ABCA9: variants seen among roughly 807,000 people sequenced by gnomAD.
ABCA9 encodes ATP-binding cassette sub-family A member 9.
A neutral mutation model predicts 205.3 loss-of-function variants in ABCA9; 183 were observed. That is an observed-to-expected ratio of 0.89 (90% confidence interval 0.79 to 1.01). ABCA9 has a LOEUF of 1.01. ABCA9 is among the 50% of genes least tolerant of loss of function. ABCA9 has a pLI of 0.00. For missense variants in ABCA9, 1,805 were observed against 1,912.4 expected (o/e 0.94, Z 1.05); for synonymous variants, 651 against 683.3 (o/e 0.95, Z 0.74).
Position 69,051,096 on chromosome 17 carries a change from G to T in ABCA9, c.31C>A (p.Gln11Lys), listed in dbSNP as rs1486144541. The change falls in exon 2 of 39, where the codon CAA becomes AAA. Residue 11 changes from glutamine to lysine, a missense_variant. By Grantham distance (53) the Gln-to-Lys change is moderately conservative. Transcript: ENST00000340001. ...TTCTTGCAGAGAAGAGCCCATGTTTGCTGACCCACGCTCATGCGTCTCTTG... is the reference window on the plus strand; with the variant it reads ...TTCTTGCAGAGAAGAGCCCATGTTTTCTGACCCACGCTCATGCGTCTCTTG... MSKRRMSVGQQTWALLCKNCL... is the reference protein window; with the variant it reads MSKRRMSVGQKTWALLCKNCL... 1 of 1,613,498 alleles carries T rather than the reference G, an allele frequency of 6.2e-7. No homozygotes were observed. The highest frequency in any genetic ancestry group is 1.3e-5 in the African/African-American group (1 of 74,876).
intron 25 of ABCA9, among the ~76,000 whole-genome samples, chr17:69,000,068 T>C (rs1306603102): frequency 1.3e-5 from 2 of 151,382 alleles, no homozygotes; most frequent in African/African-American, 4.8e-5. Flanking sequence ...TTCTCCCATG[T>C]TGTAGGTTGC....
At position 69,026,440 on chromosome 17, in the gene ABCA9, T is replaced by C. The variant is rs765061345; in HGVS notation, c.2078A>G (p.Lys693Arg). Residue 693 changes from lysine to arginine, a missense_variant, in exon 16 of 39, where the codon AAG becomes AGG. By Grantham distance (26) the Lys-to-Arg change is conservative (BLOSUM62 2). Transcript: ENST00000340001. Reference sequence around the variant, plus strand: ...CAGAGAAGAGCCTGCACACTTCAGCTTCCCATTGGATATGAACACCTTCCT... The same window carrying C: ...CAGAGAAGAGCCTGCACACTTCAGCCTCCCATTGGATATGAACACCTTCCT... ...ADRKVFISNG[K>R]LKCAGSSLFL... The C allele has an allele frequency of 5.6e-6, 9 of 1,613,842 alleles. No individual in the cohort carries two copies. Among genetic ancestry groups the C allele is most frequent in the South Asian group, 2.2e-5 (2 of 91,078 alleles).
At chr17:69,045,707 G>C (rs1243844308) in intron 3 of ABCA9, among the ~76,000 whole-genome samples, 4 of 152,086 alleles carry the variant, frequency 2.6e-5, no homozygotes, top group South Asian at 2.1e-4. Context: ...ATAGCAGAAG[G>C]TACCTCTTTC....
chr17:68,983,212 TTATC>T (rs575655934), intron 36 of ABCA9, among the ~76,000 whole-genome samples: 43 of 152,280 alleles, frequency 2.8e-4, no homozygotes, highest in African/African-American at 1.0e-3. Context: ...GCAGAACTTC[TTATC>T]CTTCTTCTTA....
At chr17:69,005,687 T>C (rs981513988) in intron 25 of ABCA9, among the ~76,000 whole-genome samples, 4 of 152,254 alleles carry the variant, frequency 2.6e-5, no homozygotes, top group African/African-American at 9.6e-5. Context: ...AGAGGTTCTC[T>C]GTCTACATAC....
At chr17:69,002,814 AT>A (rs2069936511) in intron 25 of ABCA9, among the ~76,000 whole-genome samples, 2 of 142,314 alleles carry the variant, frequency 1.4e-5, no homozygotes, top group African/African-American at 5.4e-5. Flanking sequence ...TATTGGGTGC[AT>A]ATATATTTAG....
At chr17:68,998,741 A>G (rs1411749316) in intron 25 of ABCA9, among the ~76,000 whole-genome samples, 1 of 151,848 alleles carries the variant, frequency 6.6e-6, no homozygotes, top group African/African-American at 2.4e-5. Flanking sequence ...CTTTATTTAT[A>G]TATGTAATTA....
chr17:69,049,331 T>C lies in ABCA9; in HGVS notation c.256A>G (p.Thr86Ala). 1 of 1,613,308 alleles carries C rather than the reference T, an allele frequency of 6.2e-7. No homozygotes were observed. The highest frequency in any genetic ancestry group is 8.5e-7 in the Non-Finnish European group (1 of 1,179,552). The change falls in exon 3 of 39, where the codon ACT becomes GCT. Residue 86 changes from threonine to alanine, a missense_variant. By Grantham distance (58) the Thr-to-Ala change is moderately conservative. Transcript: ENST00000340001. Reference protein sequence around the residue: ...YVIAFAPESKTTQEIMNKVAS... With the variant: ...YVIAFAPESKATQEIMNKVAS... ...ACTTTGTTCATTATCTCTTGGGTAG[T>C]TTTGGATTCAGGTGCAAATGCAATA...
rs752910942 is a variant in ABCA9 at position 69,043,708 on chromosome 17, G to A, written c.581C>T (p.Thr194Ile). The change falls in exon 6 of 39, where the codon ACA (threonine) becomes ATA (isoleucine). Residue 194 changes from threonine (T) to isoleucine (I), a missense_variant. By Grantham distance (89) the Thr-to-Ile change is moderately conservative. Transcript: ENST00000340001. ...AINAAIIEIA[T>I]NHSVMEQLMS... The stretch of plus-strand genomic sequence containing the variant: ...CAGCTGTTCCATCACTGAATGATTT[G>A]TTGCGATCTGAAGAAAGATATCAAT... 1 of 1,592,076 alleles carries A rather than the reference G, an allele frequency of 6.3e-7. No individual in the cohort carries two copies. The highest frequency in any genetic ancestry group is 2.2e-5 in the East Asian group (1 of 44,684).
Position 69,035,685 on chromosome 17 carries a change from A to C in ABCA9, c.917T>G (p.Leu306Arg). ...VLTGFVMVFT[L>R]FLLYGLSLIT... ...CAAAGACAGGCCATAGAGGAGAAAG[A>C]GGGTGAAGACCATCACAAAACCAGT... Residue 306 changes from leucine to arginine, a missense_variant, in exon 7 of 39, where the codon CTC becomes CGC. Coordinates refer to ENST00000340001, the MANE Select transcript of ABCA9 (RefSeq NM_080283.4). 6.2e-7 allele frequency: 1 copy of C among 1,612,112 alleles called. No individual in the cohort carries two copies. Among genetic ancestry groups the C allele is most frequent in the Non-Finnish European group, 8.5e-7 (1 of 1,178,384 alleles).
Position 68,987,748 on chromosome 17 carries a change from TTGTTTGTTTGTTTGTTTGTTTTTTTG to T in ABCA9, c.4047+1253_4047+1278del, listed in dbSNP as rs1229297296. ...TGACCTCATTTGCGTTTTTTTTTGT[TTGTTTGTTTGTTTGTTTGTTTTTTTG>T]TTTGAGATGGAGTTTCTCTATTGTT... is the stretch of plus-strand genomic sequence containing the variant. On this transcript the variant is annotated intron_variant, in intron 31 of 38. Transcript: ENST00000340001. Among the ~76,000 whole-genome samples, 369 of 88,026 alleles carry T rather than the reference TTGTTTGTTTGTTTGTTTGTTTTTTTG, an allele frequency of 4.2e-3. 5 individuals carry two copies. Among genetic ancestry groups the T allele is most frequent in the African/African-American group, 0.011 (358 of 32,562 alleles). The allele number at this position is 88,026 out of a possible 152,430, so 57.7% of individuals were successfully genotyped here. A position where few individuals can be genotyped will look rare whatever the true frequency, so the allele number is the denominator to read the frequency against.
chr17:69,065,197 TTG>T (rs1440926920), upstream of ABCA9, among the ~76,000 whole-genome samples: 3 of 152,228 alleles, frequency 2.0e-5, no homozygotes, highest in Admixed American at 6.5e-5. Context: ...ATCAAAGAAC[TTG>T]TGTCTCCTTT....
chr17:69,048,871 T>C (rs1475390023), intron 3 of ABCA9, among the ~76,000 whole-genome samples: 1 of 152,156 alleles, frequency 6.6e-6, no homozygotes, highest in Non-Finnish European at 1.5e-5. Context: ...CCCACCCACA[T>C]ATATACTTTG....
Position 69,032,269 on chromosome 17 carries a change from A to C in ABCA9, c.1284T>G (p.Tyr428Ter). ...AAAACAAGGGAGAACATCGATGTCC[A>C]TATTCAGCTATGTGAGCAGGAGGCA... is the stretch of plus-strand genomic sequence containing the variant. ...LYFDKILPAE[Y>*]GHRCSPLFFL... Residue 428 changes from tyrosine to a stop codon, truncating the protein, a stop_gained, in exon 10 of 39, where the codon TAT becomes TAG. Transcript: ENST00000340001. LOFTEE classifies it high-confidence loss of function. The C allele has an allele frequency of 6.2e-7, 1 of 1,613,082 alleles. No individual in the cohort carries two copies. Among genetic ancestry groups the C allele is most frequent in the Non-Finnish European group, 8.5e-7 (1 of 1,179,462 alleles).
chr17:69,068,813 AATG>A, the ABCA9 span, among the ~76,000 whole-genome samples: 1 of 152,194 alleles, frequency 6.6e-6, no homozygotes, highest in African/African-American at 2.4e-5. Flanking sequence ...TGTGCAAACT[AATG>A]ATGATAATGA....
At chr17:68,984,829 C>G (rs2069174388) in intron 34 of ABCA9, 56 bp downstream of exon 34, 5 of 1,601,930 alleles carry the variant, frequency 3.1e-6, no homozygotes, top group African/African-American at 1.3e-5. Flanking sequence ...ATTTTGCAGG[C>G]CAGTTTTCAC....
intron 1 of ABCA9, among the ~76,000 whole-genome samples, chr17:69,059,706 A>G (rs2072175937): frequency 6.7e-6 from 1 of 150,280 alleles, no homozygotes; most frequent in African/African-American, 2.5e-5. Flanking sequence ...GAAAGTTAAC[A>G]TGGGGGCAGG....
chr17:69,013,242 TG>T (rs1555631741), intron 22 of ABCA9, among the ~76,000 whole-genome samples: 1 of 152,146 alleles, frequency 6.6e-6, no homozygotes, highest in Non-Finnish European at 1.5e-5. Context: ...AAGGTGAGAT[TG>T]ATGGATTGTA....
At position 69,043,316 on chromosome 17, in the gene ABCA9, G is replaced by A. The variant is rs142988834; in HGVS notation, c.800+173C>T. On this transcript the variant is annotated intron_variant, in intron 6 of 38. Transcript: ENST00000340001. ...GGGAGTGGCTGTAAATATACATGAA[G>A]CTTTGCTCACTTGCCTGCCACTCAC... 1,581 of 554,668 alleles carry A rather than the reference G, an allele frequency of 2.9e-3. 19 individuals carry two copies. The highest frequency in any genetic ancestry group is 0.026 in the African/African-American group (1,367 of 52,882). The allele number at this position is 554,668 out of a possible 1,614,324, so 34.4% of individuals were successfully genotyped here.
Sources: allele counts gnomAD v4.1 joint callset (sites outside exome capture counted in the v4.1 genomes callset), GRCh38; gene constraint gnomAD v4.1.1; transcripts MANE v1.5; gene names NCBI Gene and HGNC (gene_info 2026-07-23, HGNC 2026-07-21).